MDN1: variants seen among roughly 807,000 people sequenced by gnomAD.
The protein encoded by MDN1 is midasin.
In MDN1, 266 loss-of-function variants were observed where a neutral mutation model predicts 669.2. The ratio of observed to expected loss-of-function variants is 0.40; its 90% CI spans 0.36 to 0.44. The LOEUF (loss-of-function observed/expected upper bound fraction) is 0.44, where lower values mean the gene tolerates loss of function less well. Among genes scored for constraint, MDN1 ranks in the 20% least tolerant of loss-of-function variants. The pLI, the probability that MDN1 is intolerant of heterozygous loss-of-function variation, is 1.00. For missense variants in MDN1, 5,940 were observed against 6,754.0 expected, an observed-to-expected ratio of 0.88 and a Z score of 4.22; for synonymous variants, 2,385 against 2,457.1, an observed-to-expected ratio of 0.97 and a Z score of 0.87.
chr6:89,771,540 A>C (rs779871483), intron 15 of MDN1, 21 bp downstream of exon 15: 1 of 1,602,138 alleles, frequency 6.2e-7, no homozygotes, highest in South Asian at 1.1e-5. Flanking sequence ...AAATAAGAAA[A>C]AAATTTTAAG....
intron 73 of MDN1, among the ~76,000 whole-genome samples, chr6:89,682,189 C>T (rs1258405277): frequency 1.3e-5 from 2 of 152,242 alleles, no homozygotes; most frequent in African/African-American, 4.8e-5. Flanking sequence ...CACATATTCA[C>T]ACCCTGTGCA....
intron 53 of MDN1, 51 bp from the exon 54 acceptor site, chr6:89,702,112 G>A (rs1336860490): frequency 1.3e-6 from 2 of 1,521,902 alleles, no homozygotes; most frequent in South Asian, 1.3e-5. Context: ...ACTAAAGCAA[G>A]AAGAAAAATA....
At chr6:89,736,477 C>T (rs1367733180) in intron 33 of MDN1, among the ~76,000 whole-genome samples, 1 of 152,188 alleles carries the variant, frequency 6.6e-6, no homozygotes, top group Non-Finnish European at 1.5e-5. Flanking sequence ...AAAGACAAAC[C>T]ATGCTTGGTT....
At chr6:89,671,551 G>A (rs894090164) in intron 82 of MDN1, among the ~76,000 whole-genome samples, 1 of 152,172 alleles carries the variant, frequency 6.6e-6, no homozygotes, top group Non-Finnish European at 1.5e-5. Context: ...GGGCATGGTG[G>A]TGCATGCCTA....
At chr6:89,670,151 TATATATATATATATA>T (rs1562061648) in intron 83 of MDN1, among the ~76,000 whole-genome samples, 6 of 22,392 alleles carry the variant, frequency 2.7e-4, no homozygotes, top group African/African-American at 8.6e-4. Flanking sequence ...TATATATATA[TATATATATATATATA>T]TATATTTTTT....
Position 89,651,282 on chromosome 6 carries a change from G to A in MDN1, c.15916-435C>T, listed in dbSNP as rs866031116. Among the ~76,000 whole-genome samples, 4 of 139,374 alleles carry A rather than the reference G, an allele frequency of 2.9e-5. No individual in the cohort carries two copies. In the South Asian group the frequency reaches 6.8e-4, roughly 24 times the overall value. 91.4% of individuals were successfully genotyped at this position (139,374 alleles called of 152,430 possible). A position where few individuals can be genotyped will look rare whatever the true frequency, so the allele number is the denominator to read the frequency against. The stretch of plus-strand genomic sequence containing the variant: ...GGAGGTTGCAGTGGGTCAAGATCGC[G>A]CCACAGCACTCCAGCCTGGGTGACA... On this transcript the variant is annotated intron_variant, in intron 95 of 101. Transcript: ENST00000369393.
rs1811771478 is a variant in MDN1, at chr6:89,683,294, G to C, written c.11940C>G (p.Val3980=). ...LFKFMKKFEA[V]LSEPCRSSLV... The stretch of plus-strand genomic sequence containing the variant: ...GGGATGACCGGCAGGGTTCACTCAG[G>C]ACTGCTTCAAATTTCTTCATGAATT... Residue 3980 remains valine (V), a synonymous_variant, in exon 73 of 102, where the codon GTC becomes GTG. Transcript: ENST00000369393. The C allele has an allele frequency of 6.2e-7, 1 of 1,614,118 alleles. No homozygotes were observed. Among genetic ancestry groups the C allele is most frequent in the Non-Finnish European group, 8.5e-7 (1 of 1,180,034 alleles).
chr6:89,670,170 A>ATATTTT (rs1444537561), intron 83 of MDN1, among the ~76,000 whole-genome samples: 2 of 23,410 alleles, frequency 8.5e-5, no homozygotes, highest in Non-Finnish European at 1.2e-4. Context: ...ATATATATAT[A>ATATTTT]TTTTTTTTTT....
chr6:89,792,847 G>A (rs1322106517), intron 5 of MDN1, among the ~76,000 whole-genome samples: 1 of 151,718 alleles, frequency 6.6e-6, no homozygotes, highest in South Asian at 2.1e-4. Context: ...GTGAAATTCC[G>A]TCTCTACTAA....
At chr6:89,802,786 C>T (rs1767750004) in intron 2 of MDN1, among the ~76,000 whole-genome samples, 1 of 152,114 alleles carries the variant, frequency 6.6e-6, no homozygotes, top group South Asian at 2.1e-4. Context: ...AATTTAAAAA[C>T]CCCTGACACT....
At chr6:89,660,309 T>C (rs1809640822) in intron 88 of MDN1, among the ~76,000 whole-genome samples, 2 of 152,140 alleles carry the variant, frequency 1.3e-5, no homozygotes, top group African/African-American at 4.8e-5. Context: ...CCTCAGCTCC[T>C]GAGGAGCTGG....
chr6:89,803,307 A>C (rs1767784917), intron 2 of MDN1, 21 bp downstream of exon 2: 1 of 1,601,504 alleles, frequency 6.2e-7, no homozygotes, highest in Admixed American at 1.7e-5. Context: ...GAGAAATGCG[A>C]ATAATAAAAT....
At chr6:89,648,462 G>C (rs1808626608) in intron 97 of MDN1, 133 bp from the exon 98 acceptor site, 2 of 753,824 alleles carry the variant, frequency 2.7e-6, no homozygotes. Context: ...ACATCAGTAA[G>C]GCTACTATAG....
chr6:89,802,792 ACACT>A (rs1259797908), intron 2 of MDN1, among the ~76,000 whole-genome samples: 1 of 152,204 alleles, frequency 6.6e-6, no homozygotes, highest in Non-Finnish European at 1.5e-5. Flanking sequence ...AAAACCCCTG[ACACT>A]CAGTTTTGCT....
intron 15 of MDN1, among the ~76,000 whole-genome samples, chr6:89,771,077 C>A (rs1324397710): frequency 6.6e-6 from 1 of 152,136 alleles, no homozygotes; most frequent in Non-Finnish European, 1.5e-5. Context: ...TTCAAAGCAC[C>A]ATACACACTG....
chr6:89,656,580 G>C, intron 91 of MDN1, 120 bp downstream of exon 91: 1 of 798,966 alleles, frequency 1.3e-6, no homozygotes, highest in Non-Finnish European at 2.0e-6. Flanking sequence ...CATATCTGAT[G>C]CAACAACAAC....
chr6:89,792,674 ATTT>A (rs72383790), intron 5 of MDN1, among the ~76,000 whole-genome samples: 10,524 of 146,582 alleles, frequency 0.072, 517 homozygotes, highest in Non-Finnish European at 0.11. Flanking sequence ...TTACATTTTA[ATTT>A]TTTTTTTTTT....
intron 15 of MDN1, among the ~76,000 whole-genome samples, chr6:89,764,966 AT>A (rs1221394204): frequency 6.6e-6 from 1 of 152,184 alleles, no homozygotes; most frequent in African/African-American, 2.4e-5. Context: ...ATAAAAAATT[AT>A]ACTTTACTGG....
At chr6:89,808,791 T>C (rs1768174197) in intron 1 of MDN1, among the ~76,000 whole-genome samples, 1 of 152,212 alleles carries the variant, frequency 6.6e-6, no homozygotes, top group Non-Finnish European at 1.5e-5. Flanking sequence ...TTCCCATTTT[T>C]AGGAATTCCA....
Sources: allele counts gnomAD v4.1 joint callset (sites outside exome capture counted in the v4.1 genomes callset), GRCh38; gene constraint gnomAD v4.1.1; transcripts MANE v1.5; gene names NCBI Gene and HGNC (gene_info 2026-07-23, HGNC 2026-07-21).